The following C3orf20 variants were observed in gnomAD, a reference collection of about 807,000 sequenced individuals.
The protein encoded by C3orf20 is uncharacterized protein C3orf20.
A neutral mutation model predicts 88.3 loss-of-function variants in C3orf20; 76 were observed. The observed-to-expected ratio is 0.86, with a 90% CI of 0.72 to 1.04. The LOEUF is 1.04. C3orf20 is among the 50% of genes least tolerant of loss of function. C3orf20 has a pLI of 0.00. For synonymous variants in C3orf20, 436 were observed against 437.4 expected, an observed-to-expected ratio of 1.00 and a Z score of 0.04; for missense variants, 1,056 against 1,123.3, an observed-to-expected ratio of 0.94 and a Z score of 0.86.
At chr3:14,705,439 G>A (rs1233112967) in intron 7 of C3orf20, among the ~76,000 whole-genome samples, 1 of 152,196 alleles carries the variant, frequency 6.6e-6, no homozygotes, top group Non-Finnish European at 1.5e-5. Context: ...GATGTGTATC[G>A]AGTATCTGTC....
Position 14,759,974 on chromosome 3 carries a change from C to T in C3orf20, c.2328C>T (p.Asn776=). 1.2e-6 allele frequency: 2 copies of T among 1,614,048 alleles called. No homozygotes were observed. Among genetic ancestry groups the T allele is most frequent in the Non-Finnish European group, 1.7e-6 (2 of 1,179,888 alleles). Residue 776 remains asparagine (N), a synonymous_variant, in exon 14 of 17, where the codon AAC becomes AAT. Coordinates refer to ENST00000253697, the MANE Select transcript of C3orf20 (RefSeq NM_032137.5). ...ACCCTCCCCTGATGGTGAAGAAGAA[C>T]TCTGTGGTGCAGGGGATGATTCTGG... ...QEDPPLMVKK[N]SVVQGMILMF...
At chr3:14,770,240 T>C (rs1304953753) in intron 15 of C3orf20, among the ~76,000 whole-genome samples, 1 of 152,128 alleles carries the variant, frequency 6.6e-6, no homozygotes, top group Non-Finnish European at 1.5e-5. Context: ...CTTAGTTTAG[T>C]GTGTGTGCTC....
At position 14,759,873 on chromosome 3, in the gene C3orf20, A is replaced by G. The variant is rs1250772083; in HGVS notation, c.2245-18A>G. ...ATTGGCATGGGGGTGACCAGTTCTC[A>G]TATTTCTCTCCTGGTAGTGCCGGTA... is the stretch of plus-strand genomic sequence containing the variant. On this transcript the variant is annotated intron_variant, in intron 13 of 16. Coordinates refer to ENST00000253697, the MANE Select transcript of C3orf20 (RefSeq NM_032137.5). The G allele has an allele frequency of 3.7e-6, 6 of 1,606,444 alleles. No individual in the cohort carries two copies. The highest frequency in any genetic ancestry group is 1.3e-5 in the African/African-American group (1 of 74,856).
intron 1 of C3orf20, among the ~76,000 whole-genome samples, chr3:14,676,891 A>G (rs1474280622): frequency 6.6e-6 from 1 of 152,174 alleles, no homozygotes. Context: ...CTTAAGATCC[A>G]CTTCTCTCTA....
intron 7 of C3orf20, among the ~76,000 whole-genome samples, chr3:14,707,820 CTTTTTTT>C (rs60474912): frequency 3.3e-5 from 4 of 122,152 alleles, no homozygotes; most frequent in Non-Finnish European, 4.8e-5. Context: ...GTGTTTTCCT[CTTTTTTT>C]TTTTTTTTTG....
intron 12 of C3orf20, among the ~76,000 whole-genome samples, chr3:14,750,281 G>A (rs1039812244): frequency 6.6e-6 from 1 of 152,138 alleles, no homozygotes; most frequent in Non-Finnish European, 1.5e-5. Context: ...TGGGTGCAGT[G>A]GCTCATGCCT....
chr3:14,714,119 A>T lies in C3orf20; in HGVS notation c.1273A>T (p.Thr425Ser), dbSNP rs2033854753. Residue 425 changes from threonine to serine, a missense_variant, in exon 8 of 17, where the codon ACT becomes TCT. Coordinates refer to ENST00000253697, the MANE Select transcript of C3orf20 (RefSeq NM_032137.5). ...PGFSLLALFN[T>S]EGQGCVHYNL... ...ATTCTCCTTGCTGGCCCTATTCAAT[A>T]CTGAAGGCCAGGGCTGTGTTCACTA... 6.2e-7 allele frequency: 1 copy of T among 1,613,930 alleles called. No homozygotes were observed. Among genetic ancestry groups the T allele is most frequent in the Non-Finnish European group, 8.5e-7 (1 of 1,180,016 alleles).
chr3:14,766,430 T>C (rs887701919), intron 15 of C3orf20, among the ~76,000 whole-genome samples: 4 of 152,140 alleles, frequency 2.6e-5, no homozygotes, highest in Non-Finnish European at 5.9e-5. Flanking sequence ...CCAGGAAAGC[T>C]TTCAAGCAGC....
chr3:14,704,892 A>T (rs1441972805), intron 7 of C3orf20, among the ~76,000 whole-genome samples: 3 of 152,242 alleles, frequency 2.0e-5, no homozygotes, highest in African/African-American at 7.2e-5. Flanking sequence ...GGGAATGCAG[A>T]CAAAGTCCCT....
At chr3:14,722,159 A>T (rs1293495008) in intron 10 of C3orf20, 1 of 281,416 alleles carries the variant, frequency 3.6e-6, no homozygotes, top group Non-Finnish European at 7.0e-6. Context: ...TGTTGGCTTC[A>T]TTCTCAAGGA....
At chr3:14,725,469 G>C (rs2034313529) in intron 10 of C3orf20, among the ~76,000 whole-genome samples, 1 of 152,184 alleles carries the variant, frequency 6.6e-6, no homozygotes, top group African/African-American at 2.4e-5. Context: ...CATCAAGGCA[G>C]CTCTTGGGAA....
chr3:14,759,029 A>G (rs1185674522), intron 13 of C3orf20, among the ~76,000 whole-genome samples: 1 of 152,176 alleles, frequency 6.6e-6, no homozygotes, highest in Non-Finnish European at 1.5e-5. Context: ...TCCCTAAGCA[A>G]TTGGAGTGCT....
At position 14,714,696 on chromosome 3, in the gene C3orf20, T is replaced by C. The variant is rs1007882551; in HGVS notation, c.1313+537T>C. Among the ~76,000 whole-genome samples, 3 of 152,304 alleles carry C rather than the reference T, an allele frequency of 2.0e-5. No individual in the cohort carries two copies. The East Asian group carries it at 5.8e-4, about 29-fold the overall frequency. ...ATAGCTCACTGCAGCCTCGAACTCC[T>C]GGGCTCAAGTGATCCTTTCACCTCA... On this transcript the variant is annotated intron_variant, in intron 8 of 16. Coordinates refer to ENST00000253697, the MANE Select transcript of C3orf20 (RefSeq NM_032137.5).
intron 11 of C3orf20, 63 bp from the exon 12 acceptor site, chr3:14,728,376 G>A (rs938009696): frequency 1.3e-6 from 2 of 1,599,078 alleles, no homozygotes; most frequent in African/African-American, 2.7e-5. Context: ...TTCCAGTCTG[G>A]GACCAGGGGC....
Position 14,701,989 on chromosome 3 carries a change from C to G in C3orf20, c.746-1141C>G, listed in dbSNP as rs368965758. Reference sequence around the variant, plus strand: ...ACATTTAAAGGATGCTGCTCTCCTGCTCTTCTTGGCCCCGTGTCCCCTGGT... The same window carrying G: ...ACATTTAAAGGATGCTGCTCTCCTGGTCTTCTTGGCCCCGTGTCCCCTGGT... On this transcript the variant is annotated intron_variant, in intron 5 of 16. Coordinates refer to ENST00000253697, the MANE Select transcript of C3orf20 (RefSeq NM_032137.5). The surrounding 1 kb of genome is among the most constrained non-coding windows in gnomAD (Gnocchi z 4.6). Among the ~76,000 whole-genome samples the G allele has an allele frequency of 2.0e-5, 3 of 152,170 alleles. No homozygotes were observed. Among genetic ancestry groups the G allele is most frequent in the African/African-American group, 7.2e-5 (3 of 41,440 alleles).
chr3:14,699,653 C>T (rs899587301), intron 5 of C3orf20, among the ~76,000 whole-genome samples: 1 of 152,232 alleles, frequency 6.6e-6, no homozygotes, highest in Non-Finnish European at 1.5e-5. Context: ...TTTTACTCTT[C>T]CCTCTTCTCT....
chr3:14,767,041 G>A (rs1465205565), intron 15 of C3orf20: 1 of 152,412 alleles, frequency 6.6e-6, no homozygotes, highest in Non-Finnish European at 1.5e-5. Context: ...TCCCTCCATT[G>A]TCACATCCTC....
chr3:14,682,851 C>T lies in C3orf20; in HGVS notation c.138C>T (p.Ile46=), dbSNP rs960648986. The T allele has an allele frequency of 6.2e-7, 1 of 1,614,114 alleles. No homozygotes were observed. The highest frequency in any genetic ancestry group is 1.3e-5 in the African/African-American group (1 of 74,934). ...GISVPKGIRN[I]FEFTWEELIS... ...CTGTACCAAAAGGCATCAGAAACAT[C>T]TTTGAGTTCACTTGGGAAGAGCTCA... is the stretch of plus-strand genomic sequence containing the variant. Residue 46 remains isoleucine, a synonymous_variant, in exon 3 of 17, where the codon ATC becomes ATT. Coordinates refer to ENST00000253697, the MANE Select transcript of C3orf20 (RefSeq NM_032137.5).
intron 1 of C3orf20, among the ~76,000 whole-genome samples, chr3:14,678,576 GA>G (rs2031914515): frequency 6.6e-6 from 1 of 152,224 alleles, no homozygotes; most frequent in African/African-American, 2.4e-5. Context: ...ATTGTTGACT[GA>G]AGAAGGTGCT....
Sources: gnomAD v4.1 joint callset for allele counts (sites outside exome capture counted in the v4.1 genomes callset) on GRCh38, gnomAD v4.1.1 for gene constraint, Gnocchi (gnomAD v3.1) non-coding constraint, MANE v1.5 for transcripts, NCBI Gene and HGNC (gene_info 2026-07-23, HGNC 2026-07-21) for gene names.